PDE11A: variants seen among roughly 807,000 people sequenced by gnomAD.
PDE11A encodes dual 3',5'-cyclic-AMP and -GMP phosphodiesterase 11A.
Under a neutral mutation model 100.5 loss-of-function variants are expected in PDE11A, and 100 were observed. The ratio of observed to expected loss-of-function variants is 1.00; its 90% CI spans 0.85 to 1.18. The LOEUF is 1.18. PDE11A is among the 50% of genes most tolerant of loss of function. The probability of loss-of-function intolerance (pLI) is 0.00; values close to 1 mark genes in which losing one functional copy is unlikely to be tolerated. For synonymous variants in PDE11A, 381 were observed against 420.8 expected, an observed-to-expected ratio of 0.91 and a Z score of 1.16; for missense variants, 1,141 against 1,152.6, an observed-to-expected ratio of 0.99 and a Z score of 0.15.
chr2:177,935,152 C>T (rs2085256238), intron 2 of PDE11A, among the ~76,000 whole-genome samples: 1 of 152,120 alleles, frequency 6.6e-6, no homozygotes, highest in African/African-American at 2.4e-5. Flanking sequence ...CAAAAGCACA[C>T]AAAATATCTT....
At chr2:177,737,450 A>ACACACACACACACACACACAG in intron 10 of PDE11A, among the ~76,000 whole-genome samples, 1 of 48,528 alleles carries the variant, frequency 2.1e-5, no homozygotes. Flanking sequence ...CACACACACA[A>ACACACACACACACACACACAG]ATTAGCCAGG....
At chr2:178,075,758 T>C (rs2087200029), upstream of PDE11A, among the ~76,000 whole-genome samples, 2 of 152,040 alleles carry the variant, frequency 1.3e-5, no homozygotes, top group Admixed American at 1.3e-4. Context: ...AGGATCTGTA[T>C]AAGATCTGAA....
At chr2:177,907,609 T>C (rs2084810437) in intron 2 of PDE11A, among the ~76,000 whole-genome samples, 1 of 152,244 alleles carries the variant, frequency 6.6e-6, no homozygotes, top group Non-Finnish European at 1.5e-5. Context: ...ATTTTATGTT[T>C]CTGTACACGT....
chr2:177,978,990 G>A (rs1487551869), intron 2 of PDE11A, among the ~76,000 whole-genome samples: 11 of 132,800 alleles, frequency 8.3e-5, no homozygotes, highest in African/African-American at 2.5e-4. Flanking sequence ...TGACACATTA[G>A]TGGGTGCAGC....
At chr2:178,019,454 TA>T (rs2086379790) in intron 1 of PDE11A, among the ~76,000 whole-genome samples, 1 of 152,100 alleles carries the variant, frequency 6.6e-6, no homozygotes, top group African/African-American at 2.4e-5. Context: ...TTTTCTAATA[TA>T]AAAATATATT....
intron 4 of PDE11A, among the ~76,000 whole-genome samples, chr2:177,895,184 C>A (rs114442370): frequency 0.011 from 1,689 of 151,794 alleles, 31 homozygotes; most frequent in African/African-American, 0.039. Context: ...CTCTGAGGGA[C>A]TTGATGACAG....
intron 19 of PDE11A, among the ~76,000 whole-genome samples, chr2:177,656,566 A>G (rs1390871693): frequency 1.3e-5 from 2 of 152,228 alleles, no homozygotes. Flanking sequence ...GCATCCCATC[A>G]TTCACTTTTC....
At chr2:177,657,295 C>T (rs1004391621) in intron 19 of PDE11A, among the ~76,000 whole-genome samples, 2 of 152,200 alleles carry the variant, frequency 1.3e-5, no homozygotes, top group Non-Finnish European at 2.9e-5. Context: ...TAAACCAGTG[C>T]ATTTTCCATT....
chr2:177,810,940 T>C (rs905235129), intron 9 of PDE11A, among the ~76,000 whole-genome samples: 4 of 152,112 alleles, frequency 2.6e-5, no homozygotes, highest in Admixed American at 2.6e-4. Context: ...TGATAGCATA[T>C]GCCTTTTTCT....
intron 12 of PDE11A, among the ~76,000 whole-genome samples, chr2:177,721,194 A>G (rs1011756579): frequency 2.0e-5 from 3 of 152,192 alleles, no homozygotes; most frequent in African/African-American, 7.2e-5. Flanking sequence ...TACCATTAAT[A>G]TAATGAACCC....
At chr2:177,785,214 C>G (rs2082515051) in intron 9 of PDE11A, among the ~76,000 whole-genome samples, 1 of 152,098 alleles carries the variant, frequency 6.6e-6, no homozygotes, top group African/African-American at 2.4e-5. Context: ...AATCATATTT[C>G]ACTGGCCAGA....
intron 4 of PDE11A, among the ~76,000 whole-genome samples, chr2:177,881,341 G>GTCTCTCTATCTA (rs1553485622): frequency 6.8e-6 from 1 of 147,520 alleles, no homozygotes. Context: ...TCATCTATCT[G>GTCTCTCTATCTA]TCTATCTATC....
chr2:177,875,614 C>A (rs971332978), intron 5 of PDE11A, among the ~76,000 whole-genome samples: 1 of 152,050 alleles, frequency 6.6e-6, no homozygotes, highest in African/African-American at 2.4e-5. Flanking sequence ...ATCTCCTGAT[C>A]TCATGATTCG....
At chr2:178,086,513 A>G (rs2087357583) in intron 2 of PDE11A, among the ~76,000 whole-genome samples, 1 of 152,240 alleles carries the variant, frequency 6.6e-6, no homozygotes, top group Middle Eastern at 3.2e-3. Flanking sequence ...ATGGGCATAC[A>G]TGATTTAAAA....
At chr2:178,064,123 A>G (rs967030548) in intron 1 of PDE11A, among the ~76,000 whole-genome samples, 3 of 152,218 alleles carry the variant, frequency 2.0e-5, no homozygotes, top group African/African-American at 7.2e-5. Context: ...TTATCCCTAT[A>G]TTATAGCTAA....
chr2:177,961,744 A>G (rs2085636095), intron 2 of PDE11A, among the ~76,000 whole-genome samples: 1 of 152,176 alleles, frequency 6.6e-6, no homozygotes, highest in Non-Finnish European at 1.5e-5. Flanking sequence ...TTTTACATAA[A>G]TTGAAGATAA....
At chr2:177,876,057 C>G in intron 4 of PDE11A, 134 bp from the exon 5 acceptor site, 1 of 697,818 alleles carries the variant, frequency 1.4e-6, no homozygotes, top group Non-Finnish European at 2.6e-6. Flanking sequence ...GTGGAGAAAT[C>G]CCAAGACAGA....
At chr2:178,105,352 C>T (rs949776518) in intron 1 of PDE11A, among the ~76,000 whole-genome samples, 7 of 152,114 alleles carry the variant, frequency 4.6e-5, no homozygotes, top group African/African-American at 1.4e-4. Flanking sequence ...CCCAGCTACT[C>T]GGGAGGTTGA....
intron 13 of PDE11A, among the ~76,000 whole-genome samples, chr2:177,710,356 T>C (rs2081341553): frequency 6.7e-6 from 1 of 149,936 alleles, no homozygotes; most frequent in African/African-American, 2.5e-5. Flanking sequence ...ATCTGCTGAG[T>C]GGTGCGGGGG....
Sources: allele counts gnomAD v4.1 joint callset (sites outside exome capture counted in the v4.1 genomes callset), GRCh38; gene constraint gnomAD v4.1.1; transcripts MANE v1.5; gene names NCBI Gene and HGNC (gene_info 2026-07-23, HGNC 2026-07-21).